COMMD1: variants seen among roughly 807,000 people sequenced by gnomAD.
COMMD1 encodes copper metabolism domain containing 1.
Under a neutral mutation model 17.2 loss-of-function variants are expected in COMMD1, and 10 were observed. That is an observed-to-expected ratio of 0.58 (90% CI 0.36 to 0.99). COMMD1 has a LOEUF of 0.99. Ranked by LOEUF, COMMD1 falls within the 50% of genes least tolerant of loss-of-function variation. The pLI is 0.01. For synonymous variants in COMMD1, 97 were observed against 91.6 expected (o/e 1.06, Z -0.34); for missense variants, 270 against 231.8 (o/e 1.17, Z -1.07).
chr2:61,975,118 C>CTTTTT, intron 1 of COMMD1, among the ~76,000 whole-genome samples: 1,335 of 80,016 alleles, frequency 0.017, 1 homozygote, highest in Middle Eastern at 0.026. Context: ...TCATTTCTTT[C>CTTTTT]TTTTTTTTTT....
chr2:62,022,838 G>A (rs921588462), intron 2 of COMMD1, among the ~76,000 whole-genome samples: 1 of 152,134 alleles, frequency 6.6e-6, no homozygotes, highest in Non-Finnish European at 1.5e-5. Flanking sequence ...GCCAGGGATC[G>A]TTTAGAGTCC....
At chr2:62,105,420 GTTA>G (rs1165021264) in intron 2 of COMMD1, among the ~76,000 whole-genome samples, 3 of 151,490 alleles carry the variant, frequency 2.0e-5, no homozygotes, top group East Asian at 3.9e-4. Context: ...ATTAAAATAT[GTTA>G]TTAATGCTAC....
intron 2 of COMMD1, among the ~76,000 whole-genome samples, chr2:62,016,674 T>C (rs1237663258): frequency 2.6e-5 from 4 of 152,154 alleles, no homozygotes; most frequent in African/African-American, 9.7e-5. Flanking sequence ...GGGTTTTCAC[T>C]CCCCTCCAGA....
chr2:62,038,956 GTGTA>G (rs1352399791), intron 2 of COMMD1, among the ~76,000 whole-genome samples: 5 of 152,108 alleles, frequency 3.3e-5, no homozygotes, highest in Non-Finnish European at 5.9e-5. Flanking sequence ...ATATAGTTGT[GTGTA>G]TGTATTTTGA....
chr2:62,100,822 A>G (rs1277223622), intron 2 of COMMD1, among the ~76,000 whole-genome samples: 1 of 152,214 alleles, frequency 6.6e-6, no homozygotes, highest in Non-Finnish European at 1.5e-5. Context: ...AGGACCTGGA[A>G]GAAAAAGATC....
chr2:62,036,241 A>C (rs1670036516), intron 2 of COMMD1, among the ~76,000 whole-genome samples: 1 of 152,218 alleles, frequency 6.6e-6, no homozygotes, highest in South Asian at 2.1e-4. Context: ...TATCTTTCAC[A>C]CTGACAAGTT....
At chr2:62,125,457 A>T (rs765709053) in intron 2 of COMMD1, among the ~76,000 whole-genome samples, 2 of 152,090 alleles carry the variant, frequency 1.3e-5, no homozygotes, top group African/African-American at 2.4e-5. Context: ...TGTGATTTGC[A>T]GTATGATTTT....
intron 1 of COMMD1, among the ~76,000 whole-genome samples, chr2:61,894,758 G>A (rs1241317558): frequency 6.6e-6 from 1 of 150,758 alleles, no homozygotes; most frequent in Non-Finnish European, 1.5e-5. Context: ...GGAGTGCAAT[G>A]GTGCGATCTT....
rs70946776 is a variant in COMMD1, at chr2:62,036,054, T to TCACACA, written c.462+35103_462+35108dup. Among the ~76,000 whole-genome samples the TCACACA allele has an allele frequency of 3.4e-3, 488 of 143,390 alleles. 4 individuals carry two copies. The highest frequency in any genetic ancestry group is 0.015 in the East Asian group (75 of 4,912). 94.1% of individuals were successfully genotyped at this position (143,390 alleles called of 152,430 possible). On this transcript the variant is annotated intron_variant, in intron 2 of 2. Coordinates refer to ENST00000311832, the MANE Select transcript of COMMD1 (RefSeq NM_152516.4). ...GGGTGATAGAGTGAGACCCTGTCTC[T>TCACACA]CACACACACACACACACACACACAC... is the stretch of plus-strand genomic sequence containing the variant.
At chr2:61,894,885 G>A (rs1041043764) in intron 1 of COMMD1, among the ~76,000 whole-genome samples, 2 of 151,312 alleles carry the variant, frequency 1.3e-5, no homozygotes, top group African/African-American at 2.4e-5. Flanking sequence ...TTTAGTAGAG[G>A]CAGGGTTTCA....
At chr2:61,924,934 T>TGA (rs2105199198) in intron 1 of COMMD1, among the ~76,000 whole-genome samples, 1 of 152,256 alleles carries the variant, frequency 6.6e-6, no homozygotes, top group South Asian at 2.1e-4. Context: ...CAGGCGTCCC[T>TGA]GAAGCAGAGG....
chr2:62,067,486 T>C (rs1250467065), intron 2 of COMMD1, among the ~76,000 whole-genome samples: 1 of 152,232 alleles, frequency 6.6e-6, no homozygotes, highest in Non-Finnish European at 1.5e-5. Context: ...AAAAAGTTTA[T>C]GGCTGATGCT....
intron 2 of COMMD1, among the ~76,000 whole-genome samples, chr2:62,087,507 A>G (rs543343015): frequency 6.6e-6 from 1 of 152,336 alleles, no homozygotes; most frequent in African/African-American, 2.4e-5. Flanking sequence ...GCACTTTGGG[A>G]GGCTAAGGCA....
chr2:62,038,536 T>C (rs932386219), intron 2 of COMMD1, among the ~76,000 whole-genome samples: 2 of 151,766 alleles, frequency 1.3e-5, no homozygotes, highest in African/African-American at 4.8e-5. Flanking sequence ...TTTTATTTTT[T>C]ATCATTTATT....
At chr2:62,071,918 A>G (rs1420057531) in intron 2 of COMMD1, among the ~76,000 whole-genome samples, 3 of 152,074 alleles carry the variant, frequency 2.0e-5, no homozygotes, top group African/African-American at 7.2e-5. Flanking sequence ...TAAGATACCA[A>G]ATTATAAATA....
intron 2 of COMMD1, among the ~76,000 whole-genome samples, chr2:62,034,133 C>T (rs542458499): frequency 2.0e-5 from 3 of 148,008 alleles, no homozygotes; most frequent in East Asian, 4.0e-4. Context: ...AAAGAGGTTA[C>T]GGATTTGAAA....
At chr2:61,974,690 A>T (rs933704879) in intron 1 of COMMD1, among the ~76,000 whole-genome samples, 2 of 151,810 alleles carry the variant, frequency 1.3e-5, no homozygotes, top group Non-Finnish European at 1.5e-5. Flanking sequence ...AAAAAAAAAA[A>T]AGTTTGTTTT....
chr2:61,969,748 C>T (rs983929762), intron 1 of COMMD1, among the ~76,000 whole-genome samples: 1 of 152,036 alleles, frequency 6.6e-6, no homozygotes, highest in Non-Finnish European at 1.5e-5. Context: ...TACTGGTTCC[C>T]ATTAAGTGAC....
rs533322882 is a variant in COMMD1, at chr2:62,006,353, TA to T, written c.462+5382del. On this transcript the variant is annotated intron_variant, in intron 2 of 2. Transcript: ENST00000311832. ...CTAAAACTTAAAGTATAATAATAAT[TA>T]AAAAAAAAAAGAAAATTGGAAGCCA... Among the ~76,000 whole-genome samples the T allele has an allele frequency of 2.6e-3, 369 of 143,606 alleles. 3 individuals are homozygous for T. The highest frequency in any genetic ancestry group is 6.8e-3 in the African/African-American group (266 of 39,240). The allele number at this position is 143,606 out of a possible 152,430, so 94.2% of individuals were successfully genotyped here.
Sources: allele counts gnomAD v4.1 joint callset (sites outside exome capture counted in the v4.1 genomes callset), GRCh38; gene constraint gnomAD v4.1.1; transcripts MANE v1.5; gene names NCBI Gene and HGNC (gene_info 2026-07-23, HGNC 2026-07-21).